TTC28: variants seen among roughly 807,000 people sequenced by gnomAD.
TTC28 encodes tetratricopeptide repeat protein 28.
A neutral mutation model predicts 198.0 loss-of-function variants in TTC28; 61 were observed. The ratio of observed to expected loss-of-function variants is 0.31; its 90% CI spans 0.25 to 0.38. The LOEUF is 0.38. Among genes scored for constraint, TTC28 ranks in the 10% least tolerant of loss-of-function variants. TTC28 has a pLI of 1.00. For synonymous variants in TTC28, 1,171 were observed against 1,297.8 expected (o/e 0.90, Z 2.10); for missense variants, 2,678 against 3,164.0 (o/e 0.85, Z 3.69).
chr22:28,131,827 C>A (rs1168681744), intron 6 of TTC28, among the ~76,000 whole-genome samples: 1 of 152,138 alleles, frequency 6.6e-6, no homozygotes, highest in Admixed American at 6.5e-5. Context: ...TGGAATCAGG[C>A]TCAACAAATG....
chr22:28,387,343 C>T (rs906225525), intron 2 of TTC28, among the ~76,000 whole-genome samples: 1 of 152,298 alleles, frequency 6.6e-6, no homozygotes, highest in Non-Finnish European at 1.5e-5. Context: ...ATTTATAGTC[C>T]TTTGGGTATA....
At chr22:28,184,215 C>T (rs1601441035) in intron 5 of TTC28, among the ~76,000 whole-genome samples, 1 of 152,092 alleles carries the variant, frequency 6.6e-6, no homozygotes. Context: ...TATTTAATCA[C>T]TAGTAGCTAT....
intron 2 of TTC28, among the ~76,000 whole-genome samples, chr22:28,537,338 T>A (rs185324886): frequency 7.0e-6 from 1 of 142,442 alleles, no homozygotes; most frequent in Non-Finnish European, 1.6e-5. Context: ...TAAAATAAAA[T>A]AAAAACAAGA....
chr22:28,021,574 C>T (rs1938600016), intron 13 of TTC28, among the ~76,000 whole-genome samples: 1 of 152,202 alleles, frequency 6.6e-6, no homozygotes, highest in African/African-American at 2.4e-5. Context: ...AGATTTGGTC[C>T]TTGCCCTCGT....
chr22:28,332,300 T>C (rs1234086187), intron 2 of TTC28, among the ~76,000 whole-genome samples: 2 of 151,988 alleles, frequency 1.3e-5, no homozygotes, highest in East Asian at 3.8e-4. Flanking sequence ...AGGTCCCTAA[T>C]TAATATCTTA....
intron 1 of TTC28, 111 bp downstream of exon 1, chr22:28,679,511 C>A (rs2052056989): frequency 5.8e-6 from 4 of 689,192 alleles, no homozygotes; most frequent in South Asian, 2.3e-5. Flanking sequence ...ACCCGGACTG[C>A]GAGACGCCTT....
intron 5 of TTC28, among the ~76,000 whole-genome samples, chr22:28,290,033 A>ATT (rs200472880): frequency 1.3e-5 from 2 of 150,236 alleles, no homozygotes; most frequent in East Asian, 1.9e-4. Context: ...CAAAAAAAAA[A>ATT]TTTTTTTTTT....
At chr22:28,054,275 A>G (rs1295452772) in intron 12 of TTC28, among the ~76,000 whole-genome samples, 5 of 152,172 alleles carry the variant, frequency 3.3e-5, no homozygotes, top group Non-Finnish European at 7.3e-5. Flanking sequence ...GAGGCTGCCT[A>G]ATGAGTAGCT....
At chr22:28,172,776 C>T (rs1045133159) in intron 5 of TTC28, among the ~76,000 whole-genome samples, 2 of 152,154 alleles carry the variant, frequency 1.3e-5, no homozygotes, top group Non-Finnish European at 2.9e-5. Context: ...CACATCATTG[C>T]CTCTGAAACT....
At chr22:28,508,736 A>G (rs947074335) in intron 2 of TTC28, among the ~76,000 whole-genome samples, 1 of 152,238 alleles carries the variant, frequency 6.6e-6, no homozygotes, top group Admixed American at 6.5e-5. Context: ...GCAAGTTCTT[A>G]GAGACTTACA....
intron 19 of TTC28, 48 bp from the exon 20 acceptor site, chr22:27,990,860 GAGTTTAGACTCA>G: frequency 6.7e-7 from 1 of 1,503,216 alleles, no homozygotes; most frequent in Non-Finnish European, 9.0e-7. Context: ...AGAAAGAAGA[GAGTTTAGACTCA>G]AGCACAGGCT....
At chr22:28,191,241 T>C (rs1924714853) in intron 5 of TTC28, among the ~76,000 whole-genome samples, 1 of 152,218 alleles carries the variant, frequency 6.6e-6, no homozygotes, top group Non-Finnish European at 1.5e-5. Context: ...TCAAAAATCC[T>C]GGTTATAAAA....
At chr22:28,138,259 T>G (rs900587611) in intron 6 of TTC28, among the ~76,000 whole-genome samples, 1 of 152,200 alleles carries the variant, frequency 6.6e-6, no homozygotes, top group African/African-American at 2.4e-5. Context: ...AATTTTGAGA[T>G]ACTGTCGAAA....
chr22:28,297,243 G>T (rs2044917272), intron 4 of TTC28, among the ~76,000 whole-genome samples: 1 of 151,716 alleles, frequency 6.6e-6, no homozygotes, highest in African/African-American at 2.4e-5. Context: ...ACAGGGTTTT[G>T]CTCTGTTGCC....
At chr22:28,484,102 G>A (rs1568972880) in intron 2 of TTC28, among the ~76,000 whole-genome samples, 1 of 151,810 alleles carries the variant, frequency 6.6e-6, no homozygotes, top group Non-Finnish European at 1.5e-5. Flanking sequence ...TTATTTTGGG[G>A]GTTTGTTTAT....
chr22:28,539,900 T>C (rs1178102004), intron 2 of TTC28, among the ~76,000 whole-genome samples: 2 of 149,170 alleles, frequency 1.3e-5, no homozygotes, highest in Non-Finnish European at 3.0e-5. Flanking sequence ...ATAGGAAGCA[T>C]GGCACCAGCA....
intron 2 of TTC28, among the ~76,000 whole-genome samples, chr22:28,493,289 G>A (rs898760067): frequency 6.6e-6 from 1 of 152,146 alleles, no homozygotes; most frequent in African/African-American, 2.4e-5. Context: ...CCGGGAGACA[G>A]AGGTTGCAGT....
chr22:28,539,861 C>T (rs933755385), intron 2 of TTC28, among the ~76,000 whole-genome samples: 3 of 150,466 alleles, frequency 2.0e-5, no homozygotes, highest in East Asian at 2.0e-4. Flanking sequence ...ATAAAAGAAG[C>T]GTGACTGGCT....
Position 27,993,617 on chromosome 22 carries a change from G to T in TTC28, c.5245-99C>A, listed in dbSNP as rs1362169635. The stretch of plus-strand genomic sequence containing the variant: ...CAAAGCCCCAGGGTGAAGCCAGGCT[G>T]ACTGCTGCAACCCCACATAGCCCAC... On this transcript the variant is annotated intron_variant, in intron 17 of 22. Coordinates refer to ENST00000397906, the MANE Select transcript of TTC28 (RefSeq NM_001145418.2). 3.2e-6 allele frequency: 4 copies of T among 1,254,262 alleles called. No individual in the cohort carries two copies. In the Admixed American group the frequency reaches 7.8e-5, roughly 24 times the overall value. The allele number at this position is 1,254,262 out of a possible 1,614,324, so 77.7% of individuals were successfully genotyped here. A position where few individuals can be genotyped will look rare whatever the true frequency, so the allele number is the denominator to read the frequency against.
Sources: allele counts gnomAD v4.1 joint callset (sites outside exome capture counted in the v4.1 genomes callset), GRCh38; gene constraint gnomAD v4.1.1; transcripts MANE v1.5; gene names NCBI Gene and HGNC (gene_info 2026-07-23, HGNC 2026-07-21).